Variants in CPSF7 observed in about 807,000 individuals in gnomAD.
CPSF7 encodes the protein cleavage and polyadenylation specificity factor subunit 7.
CPSF7 carries 1 observed loss-of-function variant against 44.3 expected under a neutral mutation model. The observed-to-expected ratio is 0.02, with a 90% CI of 0.01 to 0.11. CPSF7 has a LOEUF of 0.11. Ranked by LOEUF, CPSF7 falls within the 10% of genes least tolerant of loss-of-function variation. The probability of loss-of-function intolerance (pLI) is 1.00; values close to 1 mark genes in which losing one functional copy is unlikely to be tolerated. For missense variants in CPSF7, 443 were observed against 607.2 expected, an observed-to-expected ratio of 0.73 and a Z score of 2.84; for synonymous variants, 202 against 222.0, an observed-to-expected ratio of 0.91 and a Z score of 0.80.
chr11:61,429,339 G>T (rs1861711730), intron 1 of CPSF7, 49 bp from the exon 2 acceptor site: 2 of 1,125,216 alleles, frequency 1.8e-6, no homozygotes, highest in South Asian at 1.2e-5. Context: ...AGGGTCCTGG[G>T]CTGGGAAGAG....
chr11:61,422,318 T>A lies in CPSF7; in HGVS notation c.55-710A>T, dbSNP rs1413304724. ...TTACCATGACATGTATCTAGGAGAC[T>A]TTTTTTTTTTTTTGAGACAGGGTCT... is the stretch of plus-strand genomic sequence containing the variant. On this transcript the variant is annotated intron_variant, in intron 2 of 9. Coordinates refer to ENST00000439958, the MANE Select transcript of CPSF7 (RefSeq NM_001142565.3). Among the ~76,000 whole-genome samples, 4 of 143,888 alleles carry A rather than the reference T, an allele frequency of 2.8e-5. No homozygotes were observed. In the East Asian group the frequency reaches 8.0e-4, roughly 29 times the overall value. 94.4% of individuals were successfully genotyped at this position (143,888 alleles called of 152,430 possible).
intron 2 of CPSF7, among the ~76,000 whole-genome samples, chr11:61,425,672 T>G (rs1861276400): frequency 6.6e-6 from 1 of 152,228 alleles, no homozygotes; most frequent in Admixed American, 6.5e-5. Flanking sequence ...AGCAACCAAC[T>G]TGATACCATT....
chr11:61,421,619 AG>A lies in CPSF7; in HGVS notation c.55-12del, dbSNP rs1301651615. 1.3e-6 allele frequency: 2 copies of A among 1,599,204 alleles called. No individual in the cohort carries two copies. The highest frequency in any genetic ancestry group is 2.7e-5 in the African/African-American group (2 of 74,604). On this transcript the variant is annotated splice_polypyrimidine_tract_variant and intron_variant, in intron 2 of 9. Transcript: ENST00000439958. ...GTTGAACTCTGGGTCCTAAGAGATG[AG>A]GGGTTGGCAAAGGTAGGTCTGCAAA...
intron 1 of CPSF7, 145 bp from the exon 2 acceptor site, chr11:61,429,435 C>T (rs1322219107): frequency 7.3e-6 from 4 of 546,546 alleles, no homozygotes; most frequent in African/African-American, 5.9e-5. Flanking sequence ...CCGCCCCCGG[C>T]CTCGCGCCGC....
chr11:61,428,267 G>A (rs938150245), intron 2 of CPSF7, among the ~76,000 whole-genome samples: 1 of 152,162 alleles, frequency 6.6e-6, no homozygotes, highest in Non-Finnish European at 1.5e-5. Context: ...CTGCAGCCTT[G>A]AATTCCTGGG....
In CPSF7 at chr11:61,429,942, C is replaced by T. The variant is rs957119749; in HGVS notation, c.-84G>A. 8 of 1,394,458 alleles carry T rather than the reference C, an allele frequency of 5.7e-6. No homozygotes were observed. In the Admixed American group the frequency reaches 7.0e-5, roughly 12 times the overall value. The allele number at this position is 1,394,458 out of a possible 1,614,324, so 86.4% of individuals were successfully genotyped here. ...GAATATGGCGGCGGCGGCGGCGAGT[C>T]CGGACTAGGCCCGAAGCGCGCGAAC... On this transcript the variant is annotated 5_prime_UTR_variant, in exon 1 of 10. Transcript: ENST00000439958.
chr11:61,406,564 C>T (rs899434450), intron 9 of CPSF7, among the ~76,000 whole-genome samples: 8 of 152,074 alleles, frequency 5.3e-5, no homozygotes, highest in East Asian at 1.9e-4. Context: ...CTATATCAAA[C>T]GGGTGACCAG....
chr11:61,405,514 G>A (rs923884411), intron 9 of CPSF7, among the ~76,000 whole-genome samples: 3 of 152,170 alleles, frequency 2.0e-5, no homozygotes, highest in African/African-American at 4.8e-5. Context: ...GGTCTATTAA[G>A]CCACCTGTCA....
chr11:61,419,702 C>T (rs968921700), intron 5 of CPSF7, among the ~76,000 whole-genome samples: 1 of 152,118 alleles, frequency 6.6e-6, no homozygotes, highest in African/African-American at 2.4e-5. Flanking sequence ...CAAGGTCACA[C>T]GAGTCAGTGG....
intron 3 of CPSF7, 50 bp from the exon 4 acceptor site, chr11:61,420,623 G>C (rs367579182): frequency 5.0e-6 from 7 of 1,400,258 alleles, no homozygotes; most frequent in African/African-American, 1.4e-5. Flanking sequence ...CTACACCCCC[G>C]CCCGCCAATG....
chr11:61,429,490 G>A (rs1299755840), intron 1 of CPSF7, 200 bp from the exon 2 acceptor site: 5 of 505,330 alleles, frequency 9.9e-6, no homozygotes, highest in Non-Finnish European at 1.7e-5. Flanking sequence ...CATCACCCTC[G>A]GGCCCGACCC....
intron 5 of CPSF7, among the ~76,000 whole-genome samples, chr11:61,416,763 G>A (rs558240657): frequency 1.2e-4 from 19 of 152,244 alleles, no homozygotes; most frequent in South Asian, 8.3e-4. Flanking sequence ...CATAACTCCA[G>A]AAGTGCTTCA....
intron 7 of CPSF7, among the ~76,000 whole-genome samples, chr11:61,413,281 ATGTG>A (rs1747210568): frequency 6.6e-6 from 1 of 152,096 alleles, no homozygotes; most frequent in Admixed American, 6.6e-5. Flanking sequence ...CATCAGATGT[ATGTG>A]TGTATATATA....
chr11:61,406,999 G>A (rs1280095989), intron 9 of CPSF7, among the ~76,000 whole-genome samples: 1 of 152,168 alleles, frequency 6.6e-6, no homozygotes, highest in Non-Finnish European at 1.5e-5. Context: ...GCTGGTCCCT[G>A]AGCTCAAGCG....
intron 9 of CPSF7, among the ~76,000 whole-genome samples, chr11:61,407,961 A>G (rs1193463548): frequency 6.6e-6 from 1 of 152,088 alleles, no homozygotes; most frequent in Non-Finnish European, 1.5e-5. Flanking sequence ...AGATATCGCC[A>G]TCCCAAAGAC....
chr11:61,419,665 A>G (rs1860677153), intron 5 of CPSF7, among the ~76,000 whole-genome samples: 1 of 152,210 alleles, frequency 6.6e-6, no homozygotes, highest in South Asian at 2.1e-4. Flanking sequence ...ATGGGGAAAC[A>G]GGCCCTAAGT....
intron 5 of CPSF7, among the ~76,000 whole-genome samples, chr11:61,417,570 C>A (rs1260811629): frequency 2.6e-5 from 4 of 152,074 alleles, no homozygotes; most frequent in Non-Finnish European, 4.4e-5. Context: ...GATAGTTAAT[C>A]CCAGCTCCTG....
intron 2 of CPSF7, among the ~76,000 whole-genome samples, chr11:61,424,241 G>A (rs187951340): frequency 3.8e-4 from 58 of 152,338 alleles, no homozygotes; most frequent in African/African-American, 1.3e-3. Flanking sequence ...TAGGGCTAAT[G>A]AGTGGGAAAA....
chr11:61,420,890 G>A, intron 3 of CPSF7: 1 of 492,948 alleles, frequency 2.0e-6, no homozygotes. Context: ...TCAGGCTAGA[G>A]TTGACCATTG....
Sources: allele counts gnomAD v4.1 joint callset (sites outside exome capture counted in the v4.1 genomes callset), GRCh38; gene constraint gnomAD v4.1.1; transcripts MANE v1.5; gene names NCBI Gene and HGNC (gene_info 2026-07-23, HGNC 2026-07-21).